Variants in TAFA2 observed in about 807,000 individuals in gnomAD.
TAFA2 encodes the protein chemokine-like protein TAFA-2.
TAFA2 carries 7 observed loss-of-function variants against 18.8 expected under a neutral mutation model. The ratio of observed to expected loss-of-function variants is 0.37; its 90% confidence interval spans 0.21 to 0.70. The LOEUF is 0.70. Ranked by LOEUF, TAFA2 falls within the 30% of genes least tolerant of loss-of-function variation. The pLI, the probability that TAFA2 is intolerant of heterozygous loss-of-function variation, is 0.53. For synonymous variants in TAFA2, 60 were observed against 54.2 expected (o/e 1.11, Z -0.47); for missense variants, 122 against 158.1 (o/e 0.77, Z 1.23).
intron 2 of TAFA2, among the ~76,000 whole-genome samples, chr12:61,831,128 C>A (rs546975266): frequency 2.0e-5 from 3 of 152,126 alleles, no homozygotes; most frequent in African/African-American, 7.2e-5. Flanking sequence ...TGGATAGTAA[C>A]ATCTACTTTG....
At chr12:62,056,491 T>C (rs974830674) in intron 1 of TAFA2, among the ~76,000 whole-genome samples, 18 of 152,206 alleles carry the variant, frequency 1.2e-4, no homozygotes, top group Non-Finnish European at 2.4e-4. Context: ...TGATAGTGTA[T>C]TGGTGGAAGA....
chr12:61,936,603 A>C (rs2121407005), intron 1 of TAFA2, among the ~76,000 whole-genome samples: 1 of 151,942 alleles, frequency 6.6e-6, no homozygotes, highest in South Asian at 2.1e-4. Context: ...TAAATAAATA[A>C]ATAAATAAAT....
At chr12:62,079,382 G>A (rs898240798) in intron 1 of TAFA2, among the ~76,000 whole-genome samples, 5 of 152,036 alleles carry the variant, frequency 3.3e-5, no homozygotes, top group East Asian at 1.9e-4. Context: ...GCCGGGCGCC[G>A]TGGCTCACAC....
chr12:61,867,814 C>T (rs960538217), intron 1 of TAFA2, among the ~76,000 whole-genome samples: 1 of 152,094 alleles, frequency 6.6e-6, no homozygotes, highest in African/African-American at 2.4e-5. Flanking sequence ...CTAACAATTG[C>T]CAAGTCAAAT....
chr12:62,081,853 T>C (rs1034358064), intron 1 of TAFA2, among the ~76,000 whole-genome samples: 1 of 152,122 alleles, frequency 6.6e-6, no homozygotes, highest in African/African-American at 2.4e-5. Flanking sequence ...TAGGTAAACG[T>C]GTGCCATGGT....
At chr12:61,843,926 T>C (rs1486932325) in intron 2 of TAFA2, among the ~76,000 whole-genome samples, 1 of 152,124 alleles carries the variant, frequency 6.6e-6, no homozygotes, top group Non-Finnish European at 1.5e-5. Context: ...TTCCAAGTGT[T>C]TGTTCAGTCC....
intron 1 of TAFA2, among the ~76,000 whole-genome samples, chr12:61,989,716 T>C (rs1879936884): frequency 6.6e-6 from 1 of 152,244 alleles, no homozygotes; most frequent in African/African-American, 2.4e-5. Flanking sequence ...GAAGCAAATG[T>C]GTAGAAGTGC....
At chr12:62,196,662 C>A (rs1439276485), upstream of TAFA2, among the ~76,000 whole-genome samples, 4 of 152,016 alleles carry the variant, frequency 2.6e-5, no homozygotes, top group Admixed American at 2.6e-4. Context: ...TTCATTGCAT[C>A]CTAAGACAAT....
chr12:62,144,409 G>A (rs964313694), intron 1 of TAFA2, among the ~76,000 whole-genome samples: 1 of 151,942 alleles, frequency 6.6e-6, no homozygotes, highest in Non-Finnish European at 1.5e-5. Flanking sequence ...TCAAAAAAGA[G>A]GTAAGGTCAC....
chr12:62,174,946 T>C (rs183267136), intron 1 of TAFA2, among the ~76,000 whole-genome samples: 1 of 152,252 alleles, frequency 6.6e-6, no homozygotes, highest in Admixed American at 6.5e-5. Flanking sequence ...ACTCCGAGAG[T>C]AATGATGCTC....
At chr12:62,005,080 T>C (rs1880502252) in intron 1 of TAFA2, among the ~76,000 whole-genome samples, 1 of 152,070 alleles carries the variant, frequency 6.6e-6, no homozygotes, top group Non-Finnish European at 1.5e-5. Context: ...ATTGCAGTTA[T>C]GTAGGATGAT....
chr12:62,048,182 AGGAAAGAGGTTTAATTG>A (rs1417200170), intron 1 of TAFA2, among the ~76,000 whole-genome samples: 4 of 152,224 alleles, frequency 2.6e-5, no homozygotes, highest in Admixed American at 2.6e-4. Flanking sequence ...TGATTTATAA[AGGAAAGAGGTTTAATTG>A]ACTTACAGTT....
rs186363467 is a variant in TAFA2, at chr12:61,753,220, T to A, written c.384+402A>T. Among the ~76,000 whole-genome samples the A allele has an allele frequency of 1.1e-4, 16 of 152,134 alleles. No individual in the cohort carries two copies. The East Asian group carries it at 3.1e-3, about 29-fold the overall frequency. ...TTTCATAAAACTAAAAGAATCTCAG[T>A]TAAAAAACTGTATTAAAAGTAATAT... On this transcript the variant is annotated intron_variant, in intron 4 of 4. Transcript: ENST00000416284.
intron 2 of TAFA2, among the ~76,000 whole-genome samples, chr12:61,757,002 C>G (rs1391618555): frequency 6.6e-6 from 1 of 152,018 alleles, no homozygotes; most frequent in East Asian, 1.9e-4. Context: ...ATAAGCAGAT[C>G]ATGGAAAGGC....
intron 2 of TAFA2, among the ~76,000 whole-genome samples, chr12:61,760,982 T>C (rs1381339486): frequency 6.6e-6 from 1 of 151,952 alleles, no homozygotes; most frequent in Non-Finnish European, 1.5e-5. Flanking sequence ...TAGATTTCAT[T>C]AAATTCTCAT....
At chr12:61,790,970 C>T (rs549794794) in intron 2 of TAFA2, among the ~76,000 whole-genome samples, 4 of 151,838 alleles carry the variant, frequency 2.6e-5, no homozygotes, top group East Asian at 1.9e-4. Flanking sequence ...TACAACAACA[C>T]GATAGTAGCC....
At chr12:62,053,839 C>T (rs1379035530) in intron 1 of TAFA2, among the ~76,000 whole-genome samples, 1 of 152,196 alleles carries the variant, frequency 6.6e-6, no homozygotes, top group Non-Finnish European at 1.5e-5. Flanking sequence ...ATCTCACAGG[C>T]TTGATGTGCC....
intron 1 of TAFA2, among the ~76,000 whole-genome samples, chr12:62,017,224 A>G (rs1385649231): frequency 7.6e-6 from 1 of 131,752 alleles, no homozygotes; most frequent in Non-Finnish European, 1.7e-5. Context: ...ACATGAGTTA[A>G]TGCGTAAAAA....
Position 61,897,830 on chromosome 12 carries a change from A to G in TAFA2, c.-1-30404T>C, listed in dbSNP as rs529072069. On this transcript the variant is annotated intron_variant, in intron 1 of 4. Transcript: ENST00000416284. ...TATCATGCCTTCCCAACAGTTTCCC[A>G]GAGTCTTAACTCATTTCAGCATTAA... Among the ~76,000 whole-genome samples the G allele has an allele frequency of 5.9e-5, 9 of 152,304 alleles. No homozygotes were observed. In the South Asian group the frequency reaches 1.9e-3, roughly 32 times the overall value.
Sources: gnomAD v4.1 joint callset for allele counts (sites outside exome capture counted in the v4.1 genomes callset) on GRCh38, gnomAD v4.1.1 for gene constraint, MANE v1.5 for transcripts, NCBI Gene and HGNC (gene_info 2026-07-23, HGNC 2026-07-21) for gene names.